Variants in RGS6 observed in about 807,000 individuals in gnomAD.
The protein encoded by RGS6 is regulator of G-protein signaling 6.
In RGS6, 30 loss-of-function variants were observed where a neutral mutation model predicts 78.5. That is an observed-to-expected ratio of 0.38 (90% CI 0.29 to 0.52). The LOEUF is 0.52. Among genes scored for constraint, RGS6 ranks in the 20% least tolerant of loss-of-function variants. The probability of loss-of-function intolerance (pLI) is 0.85; values close to 1 mark genes in which losing one functional copy is unlikely to be tolerated. For synonymous variants in RGS6, 206 were observed against 206.0 expected (o/e 1.00, Z 0.00); for missense variants, 495 against 609.7 (o/e 0.81, Z 1.98).
At chr14:72,562,380 C>A in intron 17 of RGS6, 37 bp from the exon 18 acceptor site, 1 of 1,593,122 alleles carries the variant, frequency 6.3e-7, no homozygotes, top group Non-Finnish European at 8.6e-7. Context: ...TCTGTGTGTG[C>A]GCCTGTGCGT....
At chr14:72,529,008 C>T (rs1360477281) in intron 15 of RGS6, among the ~76,000 whole-genome samples, 1 of 152,242 alleles carries the variant, frequency 6.6e-6, no homozygotes, top group South Asian at 2.1e-4. Flanking sequence ...AATCTTAATT[C>T]TCATTCCCAG....
intron 2 of RGS6, among the ~76,000 whole-genome samples, chr14:72,342,949 A>G (rs746276687): frequency 2.6e-5 from 4 of 152,146 alleles, no homozygotes; most frequent in Non-Finnish European, 5.9e-5. Flanking sequence ...AGCTGTTCAG[A>G]GGGACAGAGA....
chr14:72,050,906 A>G (rs2093195515), intron 2 of RGS6, among the ~76,000 whole-genome samples: 1 of 152,084 alleles, frequency 6.6e-6, no homozygotes, highest in Non-Finnish European at 1.5e-5. Context: ...CCCCCAAGTG[A>G]GTATACTGAG....
intron 2 of RGS6, among the ~76,000 whole-genome samples, chr14:72,026,979 A>G (rs539139695): frequency 1.9e-4 from 29 of 152,268 alleles, no homozygotes; most frequent in African/African-American, 6.5e-4. Context: ...TGATTTGAGA[A>G]GAGTCCAGAC....
At position 72,047,836 on chromosome 14, in the gene RGS6, A is replaced by G. The variant is rs996493022; in HGVS notation, c.84+82961A>G. Reference sequence around the variant, plus strand: ...TGCCTCCCGAGTTCAAGTGATTCTCATGCCTCAGCCTCCAGAGTAGCTGGG... The same window carrying G: ...TGCCTCCCGAGTTCAAGTGATTCTCGTGCCTCAGCCTCCAGAGTAGCTGGG... On this transcript the variant is annotated intron_variant, in intron 2 of 17. Coordinates refer to ENST00000553525, the MANE Select transcript of RGS6 (RefSeq NM_001204424.2). Among the ~76,000 whole-genome samples, 3 of 149,358 alleles carry G rather than the reference A, an allele frequency of 2.0e-5. No individual in the cohort carries two copies. The East Asian group carries it at 5.9e-4, about 29-fold the overall frequency.
chr14:71,968,440 A>G (rs1456026393), intron 2 of RGS6, among the ~76,000 whole-genome samples: 1 of 152,200 alleles, frequency 6.6e-6, no homozygotes, highest in Non-Finnish European at 1.5e-5. Flanking sequence ...TAGATTTTTG[A>G]TTTCATAATT....
At chr14:72,092,276 C>T (rs1033888587) in intron 2 of RGS6, among the ~76,000 whole-genome samples, 5 of 152,014 alleles carry the variant, frequency 3.3e-5, no homozygotes, top group Middle Eastern at 3.2e-3. Context: ...CCACCCACTT[C>T]GGCCTCCCAA....
At chr14:72,007,870 G>A (rs1225013233) in intron 2 of RGS6, among the ~76,000 whole-genome samples, 1 of 152,184 alleles carries the variant, frequency 6.6e-6, no homozygotes, top group African/African-American at 2.4e-5. Context: ...GGTTGTGCTT[G>A]AAGAAACACC....
chr14:72,596,284 A>G, the RGS6 span, among the ~76,000 whole-genome samples: 8 of 152,220 alleles, frequency 5.3e-5, no homozygotes, highest in Non-Finnish European at 1.2e-4. Flanking sequence ...TCTTTCTCAC[A>G]TCCCATTACC....
intron 3 of RGS6, among the ~76,000 whole-genome samples, chr14:72,361,394 A>G (rs1293596866): frequency 6.6e-6 from 1 of 152,202 alleles, no homozygotes; most frequent in African/African-American, 2.4e-5. Context: ...ATGAGGAACC[A>G]TGAAGAGTAG....
intron 2 of RGS6, among the ~76,000 whole-genome samples, chr14:72,045,253 T>G (rs1340215072): frequency 3.3e-5 from 5 of 152,248 alleles, no homozygotes; most frequent in Non-Finnish European, 5.9e-5. Context: ...TTATCTGGTT[T>G]GATTATTACT....
chr14:72,096,497 C>T (rs1218608828), intron 2 of RGS6, among the ~76,000 whole-genome samples: 1 of 152,108 alleles, frequency 6.6e-6, no homozygotes, highest in Admixed American at 6.6e-5. Flanking sequence ...AAAGACTCTT[C>T]TTTGATTTCA....
the RGS6 span, among the ~76,000 whole-genome samples, chr14:71,876,114 A>G: frequency 6.6e-6 from 1 of 152,200 alleles, no homozygotes; most frequent in Non-Finnish European, 1.5e-5. Context: ...AGAAGAATGT[A>G]TATTCTGTTG....
chr14:72,029,938 G>C (rs56879125), intron 2 of RGS6, among the ~76,000 whole-genome samples: 6,654 of 152,254 alleles, frequency 0.044, 182 homozygotes, highest in African/African-American at 0.078. Context: ...TTCATAGATA[G>C]AACAGGAGTT....
At chr14:72,537,070 G>A (rs1358895263) in intron 16 of RGS6, among the ~76,000 whole-genome samples, 1 of 152,156 alleles carries the variant, frequency 6.6e-6, no homozygotes, top group African/African-American at 2.4e-5. Flanking sequence ...CAAGAGAGAG[G>A]GCTCCTGGTT....
chr14:71,955,251 G>T (rs1317003447), intron 1 of RGS6, among the ~76,000 whole-genome samples: 1 of 152,130 alleles, frequency 6.6e-6, no homozygotes. Context: ...CTGGTGTGGT[G>T]GTAGGGCATA....
chr14:72,205,386 A>G (rs1445485645), intron 2 of RGS6, among the ~76,000 whole-genome samples: 1 of 152,224 alleles, frequency 6.6e-6, no homozygotes, highest in Non-Finnish European at 1.5e-5. Context: ...GGGCTTGCAT[A>G]TGACTATGCA....
chr14:71,912,112 G>A, the RGS6 span, among the ~76,000 whole-genome samples: 2 of 152,174 alleles, frequency 1.3e-5, no homozygotes, highest in Admixed American at 1.3e-4. Context: ...TCTTATGTTA[G>A]TCTCTTATTA....
At chr14:72,454,372 TG>T (rs1244578993) in intron 3 of RGS6, 155 bp from the exon 4 acceptor site, 3 of 711,458 alleles carry the variant, frequency 4.2e-6, no homozygotes, top group Admixed American at 2.1e-5. Context: ...TACTGAAGAA[TG>T]GAAAGGGTTG....
Sources: gnomAD v4.1 joint callset for allele counts (sites outside exome capture counted in the v4.1 genomes callset) on GRCh38, gnomAD v4.1.1 for gene constraint, MANE v1.5 for transcripts, NCBI Gene and HGNC (gene_info 2026-07-23, HGNC 2026-07-21) for gene names.